SSH2: variants seen among roughly 807,000 people sequenced by gnomAD.
The protein encoded by SSH2 is slingshot protein phosphatase 2.
Under a neutral mutation model 135.2 loss-of-function variants are expected in SSH2, and 37 were observed. That is an observed-to-expected ratio of 0.27 (90% CI 0.21 to 0.36). The LOEUF is 0.36. Among genes scored for constraint, SSH2 ranks in the 10% least tolerant of loss-of-function variants. SSH2 has a pLI of 1.00. For missense variants in SSH2, 1,408 were observed against 1,765.3 expected, an observed-to-expected ratio of 0.80 and a Z score of 3.63; for synonymous variants, 628 against 646.2, an observed-to-expected ratio of 0.97 and a Z score of 0.43.
chr17:29,872,440 G>C (rs956199153), intron 1 of SSH2, among the ~76,000 whole-genome samples: 1 of 152,096 alleles, frequency 6.6e-6, no homozygotes, highest in African/African-American at 2.4e-5. Flanking sequence ...AGGTTAAGTG[G>C]GTACAGGAAC....
chr17:29,716,041 C>T (rs1388315417), intron 3 of SSH2, among the ~76,000 whole-genome samples: 1 of 152,174 alleles, frequency 6.6e-6, no homozygotes, highest in East Asian at 1.9e-4. Context: ...TGTGATTTCT[C>T]TCAATTACTT....
At chr17:29,904,533 A>C (rs1164097248) in intron 1 of SSH2, among the ~76,000 whole-genome samples, 2 of 152,198 alleles carry the variant, frequency 1.3e-5, no homozygotes, top group African/African-American at 4.8e-5. Context: ...TGACAAATCC[A>C]CAGCCAATAT....
chr17:29,812,920 A>G (rs1232374656), intron 2 of SSH2, among the ~76,000 whole-genome samples: 1 of 151,846 alleles, frequency 6.6e-6, no homozygotes, highest in Non-Finnish European at 1.5e-5. Flanking sequence ...CAAAAAACCA[A>G]CCATGCCATA....
At chr17:29,815,274 C>T (rs886162838) in intron 2 of SSH2, among the ~76,000 whole-genome samples, 12 of 152,122 alleles carry the variant, frequency 7.9e-5, no homozygotes, top group African/African-American at 2.7e-4. Flanking sequence ...CAGGCACAGG[C>T]CACCACACCC....
chr17:29,630,862 G>C lies in SSH2; in HGVS notation c.4332C>G (p.Asn1444Lys). The C allele has an allele frequency of 6.4e-7, 1 of 1,561,220 alleles. No homozygotes were observed. The highest frequency in any genetic ancestry group is 8.7e-7 in the Non-Finnish European group (1 of 1,149,568). ...AGAATCACATGGTATTATAGAAGGG[G>C]TTGGTTGTCCGTTTTTTGTCATTTG... ...KKANDKKRTT[N>K]PFYNTM Residue 1444 changes from asparagine (N) to lysine (K), a missense_variant, in exon 16 of 16, where the codon AAC becomes AAG. Asn to Lys is a moderately conservative substitution (Grantham distance 94, BLOSUM62 0). Transcript: ENST00000540801.
intron 3 of SSH2, among the ~76,000 whole-genome samples, chr17:29,763,554 T>C (rs887204140): frequency 2.0e-5 from 3 of 151,894 alleles, no homozygotes; most frequent in African/African-American, 4.8e-5. Context: ...GTCCAGTTCC[T>C]TTCATGACAC....
intron 3 of SSH2, among the ~76,000 whole-genome samples, chr17:29,739,359 TCAA>T (rs1413398788): frequency 6.6e-6 from 1 of 152,146 alleles, no homozygotes; most frequent in African/African-American, 2.4e-5. Flanking sequence ...TTCTTGTTTC[TCAA>T]CAACAGCCCC....
chr17:29,812,310 G>T (rs1476847944), intron 2 of SSH2, among the ~76,000 whole-genome samples: 1 of 151,806 alleles, frequency 6.6e-6, no homozygotes, highest in East Asian at 1.9e-4. Flanking sequence ...TGAAGATAGG[G>T]TCTTATTTTG....
At chr17:29,635,722 C>T (rs777059033) in intron 15 of SSH2, among the ~76,000 whole-genome samples, 6 of 152,146 alleles carry the variant, frequency 3.9e-5, no homozygotes, top group East Asian at 1.9e-4. Context: ...TTGGACTTCT[C>T]GTTGTTCAGC....
intron 12 of SSH2, 72 bp from the exon 13 acceptor site, chr17:29,650,872 T>G (rs1183399858): frequency 7.6e-7 from 1 of 1,318,020 alleles, no homozygotes; most frequent in African/African-American, 1.5e-5. Context: ...CTGTTTTTTC[T>G]TACTTAAAAC....
In SSH2 at chr17:29,913,358, A is replaced by AAAAAT. The variant is rs1567650109; in HGVS notation, c.63+16579_63+16580insATTTT. On this transcript the variant is annotated intron_variant, in intron 1 of 15. Transcript: ENST00000540801. ...AAAAAAAAAAAAAAAATATATATAT[A>AAAAAT]TATATATATATATATATATATATAT... 3.5e-4 allele frequency among the ~76,000 whole-genome samples: 28 copies of AAAAAT among 80,248 alleles called. 2 individuals are homozygous for AAAAAT. The highest frequency in any genetic ancestry group is 5.3e-4 in the Non-Finnish European group (22 of 41,770). The allele number at this position is 80,248 out of a possible 152,430, so 52.6% of individuals were successfully genotyped here.
At chr17:29,799,955 T>G (rs2042221210) in intron 2 of SSH2, among the ~76,000 whole-genome samples, 1 of 152,220 alleles carries the variant, frequency 6.6e-6, no homozygotes. Context: ...AAGATGGCAA[T>G]TCAGAGGGAG....
At chr17:29,770,097 T>TTG (rs1555630906) in intron 3 of SSH2, among the ~76,000 whole-genome samples, 1 of 117,380 alleles carries the variant, frequency 8.5e-6, no homozygotes, top group African/African-American at 3.3e-5. Flanking sequence ...ATTTAGTTTT[T>TTG]TTTTTTTTTT....
intron 2 of SSH2, among the ~76,000 whole-genome samples, chr17:29,832,499 A>C (rs568035513): frequency 4.7e-4 from 72 of 152,310 alleles, no homozygotes; most frequent in Non-Finnish European, 7.9e-4. Context: ...TGTTTCAAGA[A>C]ATTTTAAAAT....
At chr17:29,830,225 C>G (rs939885180) in intron 2 of SSH2, among the ~76,000 whole-genome samples, 2 of 152,104 alleles carry the variant, frequency 1.3e-5, no homozygotes, top group Non-Finnish European at 2.9e-5. Flanking sequence ...TTATTTTCTC[C>G]CTTATTTTCT....
chr17:29,910,302 T>A (rs2066742520), intron 1 of SSH2, among the ~76,000 whole-genome samples: 1 of 145,544 alleles, frequency 6.9e-6, no homozygotes, highest in South Asian at 2.3e-4. Context: ...GTTCAGAGGG[T>A]ACACCCCTGC....
intron 2 of SSH2, among the ~76,000 whole-genome samples, chr17:29,825,907 G>A (rs2042733855): frequency 6.6e-6 from 1 of 152,084 alleles, no homozygotes; most frequent in Admixed American, 6.6e-5. Flanking sequence ...GTTCCTGTAT[G>A]GTAAACCAGG....
chr17:29,822,338 A>G (rs532431158), intron 2 of SSH2, among the ~76,000 whole-genome samples: 2 of 152,318 alleles, frequency 1.3e-5, no homozygotes, highest in South Asian at 4.1e-4. Flanking sequence ...AATCATTGAA[A>G]AAAACTTCGT....
At chr17:29,650,874 AC>A in intron 12 of SSH2, 74 bp from the exon 13 acceptor site, 1 of 1,270,622 alleles carries the variant, frequency 7.9e-7, no homozygotes, top group East Asian at 2.7e-5. Context: ...GTTTTTTCTT[AC>A]TTAAAACTTG....
Sources: gnomAD v4.1 joint callset for allele counts (sites outside exome capture counted in the v4.1 genomes callset) on GRCh38, gnomAD v4.1.1 for gene constraint, MANE v1.5 for transcripts, NCBI Gene and HGNC (gene_info 2026-07-23, HGNC 2026-07-21) for gene names.